NBN: variants seen among roughly 807,000 people sequenced by gnomAD.
NBN encodes Nijmegen breakage syndrome 1 (nibrin).
Under a neutral mutation model 90.8 loss-of-function variants are expected in NBN, and 88 were observed. That is an observed-to-expected ratio of 0.97 (90% CI 0.82 to 1.16). The LOEUF (loss-of-function observed/expected upper bound fraction) is 1.16. Ranked by LOEUF, NBN falls within the 50% of genes most tolerant of loss-of-function variation. The pLI, the probability that NBN is intolerant of heterozygous loss-of-function variation, is 0.00. For synonymous variants in NBN, 328 were observed against 295.1 expected, an observed-to-expected ratio of 1.11 and a Z score of -1.14; for missense variants, 894 against 869.6, an observed-to-expected ratio of 1.03 and a Z score of -0.35.
At chr8:89,949,928 C>T (rs1810367728) in intron 11 of NBN, among the ~76,000 whole-genome samples, 1 of 152,022 alleles carries the variant, frequency 6.6e-6, no homozygotes, top group Admixed American at 6.6e-5. Context: ...CTTAAAATAA[C>T]AAAAATAAAA....
At chr8:89,970,249 CA>C (rs368497122) in intron 7 of NBN, 114 bp downstream of exon 7, 21,964 of 651,296 alleles carry the variant, frequency 0.034, no homozygotes, top group Middle Eastern at 0.046. Flanking sequence ...GACTCCGTCT[CA>C]AAAAAAAAAA....
Position 89,943,334 on chromosome 8 carries a change from G to A in NBN, c.2103C>T (p.His701=), listed in dbSNP as rs753991062. The A allele has an allele frequency of 6.2e-7, 1 of 1,609,786 alleles. No individual in the cohort carries two copies. The highest frequency in any genetic ancestry group is 8.5e-7 in the Non-Finnish European group (1 of 1,176,176). Residue 701 remains histidine, a synonymous_variant, in exon 14 of 16, where the codon CAC becomes CAT. Transcript: ENST00000265433. ...VTYPGAGKLP[H]IIGGSDLIAH... ...CTATTAGATCTGATCCTCCAATGAT[G>A]TGTGGAAGTTTTCCTGCTCCAGGAT...
At chr8:89,970,633 CAT>C (rs1227606681) in intron 6 of NBN, 76 bp from the exon 7 acceptor site, 1 of 1,380,846 alleles carries the variant, frequency 7.2e-7, no homozygotes, top group Non-Finnish European at 1.0e-6. Context: ...ATTTGGGAAA[CAT>C]AGAAGTACAA....
chr8:89,947,771 A>ACACAAAAT, intron 12 of NBN, 53 bp downstream of exon 12: 2 of 995,838 alleles, frequency 2.0e-6, no homozygotes, highest in Non-Finnish European at 3.1e-6. Flanking sequence ...AATTGATGAG[A>ACACAAAAT]TGACAGTCCC....
chr8:89,948,220 C>T (rs961695136), intron 11 of NBN, among the ~76,000 whole-genome samples: 2 of 152,168 alleles, frequency 1.3e-5, no homozygotes, highest in East Asian at 1.9e-4. Flanking sequence ...TACAAAATTG[C>T]ACTAACAGTC....
chr8:89,972,705 C>T (rs145525953), intron 5 of NBN, among the ~76,000 whole-genome samples: 169 of 152,310 alleles, frequency 1.1e-3, no homozygotes, highest in African/African-American at 3.7e-3. Context: ...TAACACTTTA[C>T]TTATATACAA....
At chr8:89,963,838 A>G (rs1032860712) in intron 8 of NBN, among the ~76,000 whole-genome samples, 3 of 152,194 alleles carry the variant, frequency 2.0e-5, no homozygotes, top group African/African-American at 7.2e-5. Context: ...ATGCTGGTCC[A>G]AGGCATCAGG....
At chr8:89,949,386 C>CTG (rs982640157) in intron 11 of NBN, among the ~76,000 whole-genome samples, 14 of 152,040 alleles carry the variant, frequency 9.2e-5, no homozygotes, top group Non-Finnish European at 2.1e-4. Flanking sequence ...GAATTTACTA[C>CTG]TGGGTATTGA....
chr8:89,966,620 A>T (rs1257994925), intron 7 of NBN, among the ~76,000 whole-genome samples: 5 of 152,216 alleles, frequency 3.3e-5, no homozygotes, highest in Non-Finnish European at 7.3e-5. Context: ...GTTAATTCTC[A>T]AGTTGCCTTG....
chr8:89,982,059 G>A (rs556582403), intron 2 of NBN: 11 of 670,560 alleles, frequency 1.6e-5, no homozygotes, highest in African/African-American at 5.9e-5. Context: ...TCGCATATAT[G>A]CAATCTTTGA....
intron 5 of NBN, among the ~76,000 whole-genome samples, chr8:89,976,246 T>A (rs144857032): frequency 0.017 from 2,625 of 152,278 alleles, 75 homozygotes; most frequent in African/African-American, 0.059. Flanking sequence ...AGTGCTGGGA[T>A]TACAGGCGTG....
At chr8:89,971,743 T>C (rs1165653028) in intron 5 of NBN, among the ~76,000 whole-genome samples, 5 of 152,200 alleles carry the variant, frequency 3.3e-5, no homozygotes, top group African/African-American at 1.2e-4. Context: ...AGAGATCTCT[T>C]TGGAGAAGTT....
At position 89,981,256 on chromosome 8, in the gene NBN, T is replaced by C. The variant is rs574304928; in HGVS notation, c.320+119A>G. 16 of 1,130,196 alleles carry C rather than the reference T, an allele frequency of 1.4e-5. No individual in the cohort carries two copies. The Admixed American group carries it at 2.0e-4, about 14-fold the overall frequency. The allele number at this position is 1,130,196 out of a possible 1,614,324, so 70.0% of individuals were successfully genotyped here. ...CCACCCATGGCACAGAGTCCAATACTGTGCTAAGCAGGAACTAAATTATAC... is the reference window on the plus strand; with the variant it reads ...CCACCCATGGCACAGAGTCCAATACCGTGCTAAGCAGGAACTAAATTATAC... On this transcript the variant is annotated intron_variant, in intron 3 of 15. Coordinates refer to ENST00000265433, the MANE Select transcript of NBN (RefSeq NM_002485.5).
chr8:89,946,581 A>T, intron 12 of NBN: 1 of 340,460 alleles, frequency 2.9e-6, no homozygotes, highest in Non-Finnish European at 5.5e-6. Flanking sequence ...TTATTCTAAT[A>T]AATATCATCT....
At chr8:89,942,517 A>C (rs1427551091) in intron 14 of NBN, among the ~76,000 whole-genome samples, 1 of 152,232 alleles carries the variant, frequency 6.6e-6, no homozygotes, top group East Asian at 1.9e-4. Flanking sequence ...ATAAGAGCAG[A>C]AAACAGATCA....
rs932177282 is a variant in NBN at position 89,934,702 on chromosome 8, T to C, written c.*880A>G. 5 of 233,150 alleles carry C rather than the reference T, an allele frequency of 2.1e-5. No individual in the cohort carries two copies. The highest frequency in any genetic ancestry group is 1.1e-4 in the African/African-American group (5 of 45,350). 14.4% of individuals were successfully genotyped at this position (233,150 alleles called of 1,614,324 possible). ...TTGCTGGATCACAGGTACATGAATA[T>C]ATTTTTGAACACAGACTTGAAAATC... On this transcript the variant is annotated 3_prime_UTR_variant, in exon 16 of 16. Transcript: ENST00000265433.
intron 7 of NBN, among the ~76,000 whole-genome samples, chr8:89,965,475 T>C (rs958125333): frequency 6.6e-6 from 1 of 151,968 alleles, no homozygotes; most frequent in Non-Finnish European, 1.5e-5. Flanking sequence ...ATGTCTTCAA[T>C]ACTCATTGTA....
intron 8 of NBN, among the ~76,000 whole-genome samples, chr8:89,962,332 G>T (rs994598776): frequency 6.6e-6 from 1 of 152,180 alleles, no homozygotes; most frequent in Non-Finnish European, 1.5e-5. Flanking sequence ...GACAAGGGGA[G>T]CTACTGACTT....
At chr8:89,984,464 C>T in intron 1 of NBN, 61 bp downstream of exon 1, 4 of 1,499,268 alleles carry the variant, frequency 2.7e-6, no homozygotes, top group African/African-American at 1.4e-5. Context: ...CACCCGCAGG[C>T]CCTCCCCCGA....
Sources: gnomAD v4.1 joint callset for allele counts (sites outside exome capture counted in the v4.1 genomes callset) on GRCh38, gnomAD v4.1.1 for gene constraint, MANE v1.5 for transcripts, NCBI Gene and HGNC (gene_info 2026-07-23, HGNC 2026-07-21) for gene names.